PPIP5K2: variants seen among roughly 807,000 people sequenced by gnomAD.
PPIP5K2 encodes the protein inositol hexakisphosphate and diphosphoinositol-pentakisphosphate kinase 2.
PPIP5K2 carries 105 observed loss-of-function variants against 154.6 expected under a neutral mutation model. The observed-to-expected ratio is 0.68, with a 90% CI of 0.58 to 0.80. The LOEUF (loss-of-function observed/expected upper bound fraction) is 0.80, where lower values mean the gene tolerates loss of function less well. Ranked by LOEUF, PPIP5K2 falls within the 30% of genes least tolerant of loss-of-function variation. The probability of loss-of-function intolerance (pLI) is 0.00; values close to 1 mark genes in which losing one functional copy is unlikely to be tolerated. For missense variants in PPIP5K2, 992 were observed against 1,504.6 expected (o/e 0.66, Z 5.64); for synonymous variants, 480 against 490.3 (o/e 0.98, Z 0.28).
rs1385128404 is a variant in PPIP5K2, at chr5:103,211,331, A to T, written c.*9697A>T. ...TCATTTTGACCACTCCTCCCTCAAA[A>T]AAAATTGTCCCTAGAAAACTAGAGT... On this transcript the variant is annotated 3_prime_UTR_variant, in exon 31 of 31. Transcript: ENST00000358359. 2 of 152,104 alleles carry T rather than the reference A, an allele frequency of 1.3e-5. No individual in the cohort carries two copies. The highest frequency in any genetic ancestry group is 2.9e-5 in the Non-Finnish European group (2 of 67,974). 9.4% of individuals were successfully genotyped at this position (152,104 alleles called of 1,614,324 possible). A position where few individuals can be genotyped will look rare whatever the true frequency, so the allele number is the denominator to read the frequency against.
At chr5:103,135,431 A>AT (rs577981901) in intron 3 of PPIP5K2, among the ~76,000 whole-genome samples, 1 of 150,462 alleles carries the variant, frequency 6.6e-6, no homozygotes, top group Non-Finnish European at 1.5e-5. Context: ...CTTTGTGTCA[A>AT]TTTTTTTTTT....
intron 2 of PPIP5K2, among the ~76,000 whole-genome samples, chr5:103,131,809 T>G (rs868924635): frequency 1.2e-4 from 19 of 152,314 alleles, no homozygotes; most frequent in Middle Eastern, 3.4e-3. Context: ...ATCTTCATGA[T>G]TTTAAGGTTT....
Position 103,177,652 on chromosome 5 carries a change from G to A in PPIP5K2, c.2530-15G>A. 1.3e-6 allele frequency: 2 copies of A among 1,548,358 alleles called. No individual in the cohort carries two copies. The highest frequency in any genetic ancestry group is 1.8e-6 in the Non-Finnish European group (2 of 1,131,140). On this transcript the variant is annotated splice_polypyrimidine_tract_variant and intron_variant, in intron 21 of 30. Transcript: ENST00000358359. ...CAGTTTGAGAAAATGATTACCACAT[G>A]TATCTTTTGTTCAGGAATCAAAGGA... is the stretch of plus-strand genomic sequence containing the variant.
rs1413638508 is a variant in PPIP5K2, at chr5:103,204,930, T to A, written c.*3296T>A. On this transcript the variant is annotated 3_prime_UTR_variant, in exon 31 of 31. Coordinates refer to ENST00000358359, the MANE Select transcript of PPIP5K2 (RefSeq NM_001276277.3). ...TGCAGGTTTGTTACATAGGTATACA[T>A]GTGCCATGTTGGTTTGCTGCACCCA... 1 of 152,106 alleles carries A rather than the reference T, an allele frequency of 6.6e-6. No individual in the cohort carries two copies. The highest frequency in any genetic ancestry group is 1.5e-5 in the Non-Finnish European group (1 of 68,010). The allele number at this position is 152,106 out of a possible 1,614,324, so 9.4% of individuals were successfully genotyped here. A position where few individuals can be genotyped will look rare whatever the true frequency, so the allele number is the denominator to read the frequency against.
chr5:103,178,836 A>G (rs1799102697), intron 23 of PPIP5K2, among the ~76,000 whole-genome samples: 1 of 151,704 alleles, frequency 6.6e-6, no homozygotes, highest in Non-Finnish European at 1.5e-5. Context: ...GTTTTACACC[A>G]TCTTTGTCAT....
At position 103,190,946 on chromosome 5, in the gene PPIP5K2, C is replaced by T; in HGVS notation, c.3457C>T (p.Pro1153Ser). Residue 1153 changes from proline to serine, a missense_variant, in exon 29 of 31, where the codon CCA becomes TCA. This residue lies in a region of PPIP5K2 where 131 missense variants were observed against 117.8 expected (regional missense o/e 1.11). Transcript: ENST00000358359. ...VDEFLASIAS[P>S]SSDVPRKTAE... ...TGAATTTCTTGCTTCCATTGCTTCT[C>T]CATCATCTGACGTTCCACGGAAGAC... The T allele has an allele frequency of 6.2e-7, 1 of 1,609,956 alleles. No homozygotes were observed. Among genetic ancestry groups the T allele is most frequent in the Non-Finnish European group, 8.5e-7 (1 of 1,178,042 alleles).
At position 103,128,249 on chromosome 5, in the gene PPIP5K2, G is replaced by T. The variant is rs568454568; in HGVS notation, c.-284-1057G>T. On this transcript the variant is annotated intron_variant, in intron 1 of 30. Transcript: ENST00000358359. The stretch of plus-strand genomic sequence containing the variant: ...AGAATATTTGATCAAGTAATTTATT[G>T]TACTACCAGTAATCAAATGAAGCAT... Among the ~76,000 whole-genome samples, 10 of 152,068 alleles carry T rather than the reference G, an allele frequency of 6.6e-5. No individual in the cohort carries two copies. The East Asian group carries it at 1.9e-3, about 29-fold the overall frequency.
rs1397165763 is a variant in PPIP5K2, at chr5:103,148,039, T to C, written c.744+7T>C. On this transcript the variant is annotated splice_region_variant and intron_variant, in intron 7 of 30. Transcript: ENST00000358359. ...AGATGGTACTGATGTTAAGGTAGGATTGATTAAAATAGATTTTAGTTTTAT... is the reference window on the plus strand; with the variant it reads ...AGATGGTACTGATGTTAAGGTAGGACTGATTAAAATAGATTTTAGTTTTAT... 2 of 1,521,056 alleles carry C rather than the reference T, an allele frequency of 1.3e-6. No homozygotes were observed. The highest frequency in any genetic ancestry group is 3.8e-5 in the Admixed American group (2 of 52,454). 94.2% of individuals were successfully genotyped at this position (1,521,056 alleles called of 1,614,324 possible). A position where few individuals can be genotyped will look rare whatever the true frequency, so the allele number is the denominator to read the frequency against.
chr5:103,142,606 C>G (rs944091701), intron 5 of PPIP5K2, among the ~76,000 whole-genome samples: 2 of 152,110 alleles, frequency 1.3e-5, no homozygotes, highest in Non-Finnish European at 2.9e-5. Flanking sequence ...CTCTCAGTCT[C>G]TACTAAAAAT....
intron 5 of PPIP5K2, among the ~76,000 whole-genome samples, chr5:103,140,149 TA>T (rs5870043): frequency 0.67 from 97,558 of 145,530 alleles, 32,687 homozygotes; most frequent in South Asian, 0.84. Context: ...GGGAAAATGT[TA>T]AAAAAAAAAA....
intron 5 of PPIP5K2, among the ~76,000 whole-genome samples, chr5:103,142,663 C>T (rs1247972892): frequency 2.0e-5 from 3 of 151,964 alleles, no homozygotes; most frequent in East Asian, 3.9e-4. Flanking sequence ...GTAGTCCCAG[C>T]TACTCGGGAG....
chr5:103,137,415 G>T (rs1791719021), intron 4 of PPIP5K2, among the ~76,000 whole-genome samples: 1 of 152,070 alleles, frequency 6.6e-6, no homozygotes, highest in Admixed American at 6.5e-5. Context: ...GCCTGCCTCG[G>T]CCTCCCAAAG....
chr5:103,200,088 T>G (rs116396681), intron 30 of PPIP5K2, among the ~76,000 whole-genome samples: 1 of 152,350 alleles, frequency 6.6e-6, no homozygotes, highest in African/African-American at 2.4e-5. Flanking sequence ...GTTTTGTTTG[T>G]TTTTAAACAA....
chr5:103,201,164 G>A (rs933731266), intron 30 of PPIP5K2, among the ~76,000 whole-genome samples: 33 of 152,158 alleles, frequency 2.2e-4, no homozygotes, highest in African/African-American at 7.5e-4. Flanking sequence ...GTTTCAATTG[G>A]CAGTTGTATA....
intron 5 of PPIP5K2, among the ~76,000 whole-genome samples, chr5:103,141,624 G>C (rs544072933): frequency 4.5e-4 from 68 of 152,160 alleles, no homozygotes; most frequent in Non-Finnish European, 9.4e-4. Flanking sequence ...CATCAGATTA[G>C]TTAGATACAG....
intron 20 of PPIP5K2, among the ~76,000 whole-genome samples, chr5:103,173,501 C>T (rs1243825981): frequency 6.6e-6 from 1 of 151,896 alleles, no homozygotes; most frequent in Non-Finnish European, 1.5e-5. Flanking sequence ...TATAGGTCAT[C>T]GTTCACATGG....
intron 30 of PPIP5K2, 110 bp from the exon 31 acceptor site, chr5:103,201,412 C>G: frequency 1.6e-6 from 1 of 638,908 alleles, no homozygotes; most frequent in South Asian, 2.5e-5. Flanking sequence ...ATTTCATTTA[C>G]ATCACAATTA....
In PPIP5K2 at chr5:103,130,544, A is replaced by G. The variant is rs560265670; in HGVS notation, c.114+841A>G. 2.0e-5 allele frequency among the ~76,000 whole-genome samples: 3 copies of G among 152,276 alleles called. No individual in the cohort carries two copies. In the East Asian group the frequency reaches 5.8e-4, roughly 29 times the overall value. On this transcript the variant is annotated intron_variant, in intron 2 of 30. Transcript: ENST00000358359. ...CTTTAAGCCCCTTTTTATATTAACA[A>G]TATCTTTCACAGTGGAGTTACACAT...
In PPIP5K2 at chr5:103,167,294, A is replaced by G. The variant is rs1554218210; in HGVS notation, c.2036A>G (p.His679Arg). The G allele has an allele frequency of 1.3e-6, 2 of 1,590,422 alleles. No homozygotes were observed. Among genetic ancestry groups the G allele is most frequent in the South Asian group, 1.2e-5 (1 of 86,502 alleles). Residue 679 changes from histidine to arginine, a missense_variant, in exon 18 of 31, where the codon CAT (histidine) becomes CGT (arginine). Physicochemically the swap from His to Arg is conservative, Grantham distance 29. Around this residue, in one of 9 missense-constraint regions of PPIP5K2, gnomAD observed 82 missense variants for 91.8 expected, o/e 0.89. Coordinates refer to ENST00000358359, the MANE Select transcript of PPIP5K2 (RefSeq NM_001276277.3). ...CAGAGTTTGACTTCTCAAATCAGAC[A>G]TCGAATGGAAGATCCTAAATCATCA... ...LIQSLTSQIRHRMEDPKSSDI... is the reference protein window; with the variant it reads ...LIQSLTSQIRRRMEDPKSSDI...
Sources: gnomAD v4.1 joint callset for allele counts (sites outside exome capture counted in the v4.1 genomes callset) on GRCh38, gnomAD v4.1.1 for gene constraint, gnomAD v4.1.1 regional missense constraint, MANE v1.5 for transcripts, NCBI Gene and HGNC (gene_info 2026-07-23, HGNC 2026-07-21) for gene names.